IL2RG: variants seen among roughly 807,000 people sequenced by gnomAD.
IL2RG encodes the protein interleukin 2 receptor subunit gamma, also known as cytokine receptor common subunit gamma.
For synonymous variants in IL2RG, 111 were observed against 108.5 expected, an observed-to-expected ratio of 1.02 and a Z score of -0.15; for missense variants, 205 against 272.9, an observed-to-expected ratio of 0.75 and a Z score of 1.75.
intron 7 of IL2RG, 66 bp from the exon 8 acceptor site, chrX:71,107,987 C>T (rs1407029644): frequency 4.4e-6 from 4 of 900,849 alleles, no homozygotes; most frequent in Non-Finnish European, 6.4e-6. Flanking sequence ...GAGCTCTGTG[C>T]CAAAGGAGTA....
chrX:71,108,200 C>T, intron 7 of IL2RG, 77 bp downstream of exon 7: 3 of 767,634 alleles, frequency 3.9e-6, no homozygotes, highest in Non-Finnish European at 6.1e-6. Context: ...TCTGCCCCCA[C>T]CCCCACACTC....
chrX:71,111,098 T>C, intron 1 of IL2RG, 48 bp from the exon 2 acceptor site: 1 of 1,102,726 alleles, frequency 9.1e-7, no homozygotes, highest in Non-Finnish European at 1.2e-6. Context: ...GAAATGATGG[T>C]CAGAAGGAGG....
chrX:71,110,210 G>C lies in IL2RG; in HGVS notation c.540C>G (p.Asn180Lys). ...LELNWNNRFL[N>K]HCLEHLVQYR... ...ACTGCACCAAGTGCTCCAAACAGTG[G>C]TTCAAGAATCTGTTGTTCCAGTTCA... Residue 180 changes from asparagine to lysine, a missense_variant, in exon 4 of 8, where the codon AAC becomes AAG. Asn to Lys is a moderately conservative substitution (Grantham distance 94, BLOSUM62 0). Transcript: ENST00000374202. The C allele has an allele frequency of 8.3e-7, 1 of 1,208,389 alleles. No homozygotes were observed. The highest frequency in any genetic ancestry group is 2.3e-4 in the Middle Eastern group (1 of 4,318).
At chrX:71,108,081 C>T (rs1040244916) in intron 7 of IL2RG, 160 bp from the exon 8 acceptor site, 4 of 528,017 alleles carry the variant, frequency 7.6e-6, no homozygotes, top group Middle Eastern at 4.9e-4. Context: ...CCATCTGCCT[C>T]ATTCAATCTA....
chrX:71,109,711 G>A (rs1237807330), intron 4 of IL2RG, among the ~76,000 whole-genome samples: 2 of 110,983 alleles, frequency 1.8e-5, no homozygotes, highest in African/African-American at 6.6e-5. Context: ...GAGGTGGGCA[G>A]ATCACCTGAG....
Position 71,109,328 on chromosome X carries a change from G to A in IL2RG, c.657C>T (p.Tyr219=). The change falls in exon 5 of 8, where the codon TAC becomes TAT. Residue 219 remains tyrosine (Y), a synonymous_variant. Coordinates refer to ENST00000374202, the MANE Select transcript of IL2RG (RefSeq NM_000206.3). ...TAAAGCGGCTCCGAACACGAAACGT[G>A]TAGCGTTTCTGCCCATCCACACTAG... ...SLPSVDGQKR[Y]TFRVRSRFNP... The A allele has an allele frequency of 1.7e-6, 2 of 1,208,822 alleles. No homozygotes were observed. Among genetic ancestry groups the A allele is most frequent in the Non-Finnish European group, 2.2e-6 (2 of 892,531 alleles).
intron 5 of IL2RG, among the ~76,000 whole-genome samples, 176 bp downstream of exon 5, chrX:71,109,052 G>A (rs1449425900): frequency 8.9e-6 from 1 of 111,821 alleles, no homozygotes; most frequent in African/African-American, 3.3e-5. Flanking sequence ...CTAACAACAC[G>A]CTAACCCAAC....
At chrX:71,108,227 AGGCAGTT>A in intron 7 of IL2RG, 43 bp downstream of exon 7, 4 of 906,047 alleles carry the variant, frequency 4.4e-6, no homozygotes, top group Non-Finnish European at 6.5e-6. Context: ...TCTTGCTGGC[AGGCAGTT>A]GGCAGTTGAT....
chrX:71,110,104 T>C (rs2092260223), intron 4 of IL2RG, 52 bp downstream of exon 4: 1 of 1,181,772 alleles, frequency 8.5e-7, no homozygotes, highest in East Asian at 3.0e-5. Flanking sequence ...TTGAATCCTT[T>C]AGCCCTACTT....
At position 71,108,621 on chromosome X, in the gene IL2RG, A is replaced by G. The variant is rs2147747335; in HGVS notation, c.832T>C (p.Cys278Arg). ...CACCGTTCCAGCCAGAAATACACACAGAGAAGGCTGATAATCAATCCCATG... is the reference window on the plus strand; with the variant it reads ...CACCGTTCCAGCCAGAAATACACACGGAGAAGGCTGATAATCAATCCCATG... ...GSMGLIISLL[C>R]VYFWLERTMP... Residue 278 changes from cysteine (C) to arginine (R), a missense_variant, in exon 6 of 8, where the codon TGT (cysteine) becomes CGT (arginine). Physicochemically the swap from Cys to Arg is radical, Grantham distance 180. Transcript: ENST00000374202. 1 of 1,194,079 alleles carries G rather than the reference A, an allele frequency of 8.4e-7. No homozygotes were observed. Among genetic ancestry groups the G allele is most frequent in the Non-Finnish European group, 1.1e-6 (1 of 884,092 alleles).
chrX:71,110,066 T>C, intron 4 of IL2RG, 90 bp downstream of exon 4: 1 of 1,010,892 alleles, frequency 9.9e-7, no homozygotes, highest in Non-Finnish European at 1.4e-6. Flanking sequence ...GAACAGGAGC[T>C]TGATATTAGG....
In IL2RG at chrX:71,111,562, G is replaced by T; in HGVS notation, c.-23C>A. On this transcript the variant is annotated 5_prime_UTR_variant, in exon 1 of 8. Coordinates refer to ENST00000374202, the MANE Select transcript of IL2RG (RefSeq NM_000206.3). ...CATGGCGCTTGCTCTTCATTCCCTG[G>T]GTGTAGTCTGTCTGTGTCAGGAACC... The T allele has an allele frequency of 8.3e-7, 1 of 1,208,887 alleles. No homozygotes were observed. The highest frequency in any genetic ancestry group is 1.7e-5 in the African/African-American group (1 of 57,555).
chrX:71,107,686 A>G lies in IL2RG; in HGVS notation c.*50T>C. On this transcript the variant is annotated 3_prime_UTR_variant, in exon 8 of 8. Transcript: ENST00000374202. ...GTGGGTTGAATGAAGGAAAGTTAGTACCACTTAGGGCTACAGGACCCTGGG... is the reference window on the plus strand; with the variant it reads ...GTGGGTTGAATGAAGGAAAGTTAGTGCCACTTAGGGCTACAGGACCCTGGG... 1 of 991,630 alleles carries G rather than the reference A, an allele frequency of 1.0e-6. No individual in the cohort carries two copies. 81.7% of individuals were successfully genotyped at this position (991,630 alleles called of 1,213,427 possible).
intron 5 of IL2RG, 78 bp downstream of exon 5, chrX:71,109,150 G>C: frequency 9.9e-7 from 1 of 1,014,076 alleles, no homozygotes; most frequent in Non-Finnish European, 1.4e-6. Flanking sequence ...TAGTGACAGG[G>C]AAGTGGAGCA....
Position 71,111,331 on chromosome X carries a change from G to C in IL2RG, c.115+94C>G, listed in dbSNP as rs890954432. ...CTCCACTTTTCAATTCTGCCCACAT[G>C]ATTGTAATGGCCAGTGGCAGGCACC... On this transcript the variant is annotated intron_variant, in intron 1 of 7. Coordinates refer to ENST00000374202, the MANE Select transcript of IL2RG (RefSeq NM_000206.3). The C allele has an allele frequency of 2.7e-6, 3 of 1,119,065 alleles. No homozygotes were observed. The Admixed American group carries it at 8.0e-5, about 30-fold the overall frequency. 92.2% of individuals were successfully genotyped at this position (1,119,065 alleles called of 1,213,427 possible).
intron 7 of IL2RG, 94 bp downstream of exon 7, chrX:71,108,183 T>C: frequency 1.5e-6 from 1 of 681,633 alleles, no homozygotes; most frequent in Non-Finnish European, 2.4e-6. Context: ...CCTCCTTCCC[T>C]CTCCTCTCTG....
rs1041213698 is a variant in IL2RG, at chrX:71,110,216, G to C, written c.534C>G (p.Phe178Leu). ...SQLELNWNNRFLNHCLEHLVQ... is the reference protein window; with the variant it reads ...SQLELNWNNRLLNHCLEHLVQ... ...CCAAGTGCTCCAAACAGTGGTTCAA[G>C]AATCTGTTGTTCCAGTTCAGTTCTA... Residue 178 changes from phenylalanine to leucine, a missense_variant, in exon 4 of 8, where the codon TTC becomes TTG. Coordinates refer to ENST00000374202, the MANE Select transcript of IL2RG (RefSeq NM_000206.3). 1.7e-6 allele frequency: 2 copies of C among 1,210,354 alleles called. No individual in the cohort carries two copies. The highest frequency in any genetic ancestry group is 1.1e-6 in the Non-Finnish European group (1 of 894,239).
intron 2 of IL2RG, 83 bp from the exon 3 acceptor site, chrX:71,110,771 C>A: frequency 1.8e-6 from 2 of 1,089,813 alleles, no homozygotes; most frequent in Non-Finnish European, 2.5e-6. Flanking sequence ...CTCATCTCCC[C>A]TCAACCGACT....
chrX:71,110,634 A>G lies in IL2RG; in HGVS notation c.324T>C (p.Ser108=). ...ACTGACAGCCAGAAGTGATTTCTTCAGAGAATAGATAGTGGCTGCACTTCT... is the reference window on the plus strand; with the variant it reads ...ACTGACAGCCAGAAGTGATTTCTTCGGAGAATAGATAGTGGCTGCACTTCT... ...KVQKCSHYLF[S]EEITSGCQLQ... Residue 108 remains serine (S), a synonymous_variant, in exon 3 of 8, where the codon TCT becomes TCC. Coordinates refer to ENST00000374202, the MANE Select transcript of IL2RG (RefSeq NM_000206.3). 8.3e-7 allele frequency: 1 copy of G among 1,209,357 alleles called. No individual in the cohort carries two copies. The highest frequency in any genetic ancestry group is 1.1e-6 in the Non-Finnish European group (1 of 893,186).
Sources: gnomAD v4.1 joint callset for allele counts (sites outside exome capture counted in the v4.1 genomes callset) on GRCh38, gnomAD v4.1.1 for gene constraint, MANE v1.5 for transcripts, NCBI Gene and HGNC (gene_info 2026-07-23, HGNC 2026-07-21) for gene names.